The following FSTL4 variants were observed in gnomAD, a reference collection of about 807,000 sequenced individuals.
The protein encoded by FSTL4 is follistatin-related protein 4.
A neutral mutation model predicts 78.2 loss-of-function variants in FSTL4; 28 were observed. The ratio of observed to expected loss-of-function variants is 0.36; its 90% CI spans 0.27 to 0.49. The LOEUF (loss-of-function observed/expected upper bound fraction) is 0.49. Among genes scored for constraint, FSTL4 ranks in the 20% least tolerant of loss-of-function variants. The pLI, the probability that FSTL4 is intolerant of heterozygous loss-of-function variation, is 0.98. For missense variants in FSTL4, 922 were observed against 1,084.9 expected (o/e 0.85, Z 2.11); for synonymous variants, 422 against 440.5 (o/e 0.96, Z 0.53).
chr5:133,202,275 C>T (rs149457548), intron 14 of FSTL4, among the ~76,000 whole-genome samples: 3 of 152,250 alleles, frequency 2.0e-5, no homozygotes, highest in East Asian at 1.9e-4. Flanking sequence ...ACTGATTGCC[C>T]GAATTGCTTC....
At chr5:133,807,755 C>T in the FSTL4 span, among the ~76,000 whole-genome samples, 5 of 152,316 alleles carry the variant, frequency 3.3e-5, no homozygotes, top group African/African-American at 7.2e-5. Context: ...GTCCTCTCAC[C>T]GCAAAATCCA....
intron 2 of FSTL4, among the ~76,000 whole-genome samples, chr5:133,577,453 AAAG>A (rs1333712161): frequency 3.3e-5 from 5 of 152,138 alleles, no homozygotes; most frequent in African/African-American, 1.2e-4. Flanking sequence ...TTACTGCCTT[AAAG>A]AACAGTCAAA....
At position 133,225,771 on chromosome 5, in the gene FSTL4, C is replaced by G. The variant is rs752621036; in HGVS notation, c.1064G>C (p.Gly355Ala). 1 of 1,610,092 alleles carries G rather than the reference C, an allele frequency of 6.2e-7. No individual in the cohort carries two copies. Among genetic ancestry groups the G allele is most frequent in the South Asian group, 1.1e-5 (1 of 90,342 alleles). ...ATGGCATCTTAGGCTGGCTGCCACT[C>G]CAGGCTCCTGTGCCTGGCTCTCTGG... is the stretch of plus-strand genomic sequence containing the variant. ...VYPESQAQEPGVAASLRCHAE... is the reference protein window; with the variant it reads ...VYPESQAQEPAVAASLRCHAE... Residue 355 changes from glycine to alanine, a missense_variant, in exon 9 of 16, where the codon GGA (glycine) becomes GCA (alanine). Transcript: ENST00000265342. The surrounding 1 kb of genome is among the most constrained non-coding windows in gnomAD (Gnocchi z 4.6).
Position 133,225,375 on chromosome 5 carries a change from A to C in FSTL4, c.1178-91T>G, listed in dbSNP as rs1581544397. The C allele has an allele frequency of 2.0e-6, 3 of 1,505,566 alleles. No homozygotes were observed. The highest frequency in any genetic ancestry group is 2.7e-6 in the Non-Finnish European group (3 of 1,093,090). 93.3% of individuals were successfully genotyped at this position (1,505,566 alleles called of 1,614,324 possible). On this transcript the variant is annotated intron_variant, in intron 9 of 15. Transcript: ENST00000265342. The surrounding 1 kb of genome is among the most constrained non-coding windows in gnomAD (Gnocchi z 4.6). ...GCCATTGAGAGTGTTAGGGCTGCCC[A>C]GCCCCTGGGCAGCCAGCAGCCCTGA...
rs1327381416 is a variant in FSTL4, at chr5:133,612,494, C to G, written c.-180G>C. 6.6e-6 allele frequency: 1 copy of G among 152,030 alleles called. No homozygotes were observed. Among genetic ancestry groups the G allele is most frequent in the Non-Finnish European group, 1.5e-5 (1 of 68,024 alleles). 9.4% of individuals were successfully genotyped at this position (152,030 alleles called of 1,614,324 possible). A position where few individuals can be genotyped will look rare whatever the true frequency, so the allele number is the denominator to read the frequency against. On this transcript the variant is annotated 5_prime_UTR_variant, in exon 1 of 16. Coordinates refer to ENST00000265342, the MANE Select transcript of FSTL4 (RefSeq NM_015082.2). The surrounding 1 kb of genome is among the most constrained non-coding windows in gnomAD (Gnocchi z 6.2). ...CTGTTGAGGCTCCAGCTCCCTGAGCCGCCGCTGCCCGCTGCTGTGCCACCG... is the reference window on the plus strand; with the variant it reads ...CTGTTGAGGCTCCAGCTCCCTGAGCGGCCGCTGCCCGCTGCTGTGCCACCG...
At chr5:133,679,277 A>G in the FSTL4 span, among the ~76,000 whole-genome samples, 1 of 152,306 alleles carries the variant, frequency 6.6e-6, no homozygotes, top group Admixed American at 6.5e-5. Flanking sequence ...GCAGATGTTC[A>G]GCATAAACCA....
chr5:133,708,875 C>T, the FSTL4 span, among the ~76,000 whole-genome samples: 6 of 152,210 alleles, frequency 3.9e-5, no homozygotes, highest in East Asian at 1.9e-4. Context: ...ATAGGAGAGC[C>T]GGTGAAGTCT....
At chr5:133,316,756 G>T in intron 4 of FSTL4, 104 bp from the exon 5 acceptor site, 1 of 907,280 alleles carries the variant, frequency 1.1e-6, no homozygotes, top group Non-Finnish European at 1.7e-6. Context: ...GCCACCAGGC[G>T]TTCACTATGT....
chr5:133,429,385 T>G (rs1039450258), intron 3 of FSTL4, among the ~76,000 whole-genome samples: 6 of 152,064 alleles, frequency 3.9e-5, no homozygotes, highest in African/African-American at 1.4e-4. Flanking sequence ...TAATACAACC[T>G]ATTTCTATTT....
At chr5:133,223,062 G>T (rs736324) in intron 11 of FSTL4, among the ~76,000 whole-genome samples, 132,638 of 152,256 alleles carry the variant, frequency 0.87, 57,938 homozygotes, top group African/African-American at 0.95. Context: ...TCTTGCATTC[G>T]TGGTAGGTCT....
intron 3 of FSTL4, among the ~76,000 whole-genome samples, chr5:133,551,564 C>T (rs919856424): frequency 5.3e-5 from 8 of 152,220 alleles, no homozygotes; most frequent in African/African-American, 1.9e-4. Context: ...CATGCTCATG[C>T]TCCGCTGAGA....
chr5:133,232,338 C>T (rs763132266), intron 8 of FSTL4, among the ~76,000 whole-genome samples: 1 of 152,168 alleles, frequency 6.6e-6, no homozygotes, highest in South Asian at 2.1e-4. Context: ...AATCTTGACC[C>T]CACTGCTGGC....
chr5:133,701,678 G>A, the FSTL4 span, among the ~76,000 whole-genome samples: 108 of 152,270 alleles, frequency 7.1e-4, no homozygotes, highest in African/African-American at 2.5e-3. Flanking sequence ...TTCATTTTCA[G>A]ATCAAAGTAG....
chr5:133,313,517 C>G (rs1213744074), intron 5 of FSTL4, among the ~76,000 whole-genome samples: 1 of 152,260 alleles, frequency 6.6e-6, no homozygotes, highest in East Asian at 1.9e-4. Flanking sequence ...TCTAGGCACC[C>G]TCACTCAGCT....
At chr5:133,227,610 C>G (rs1216320140) in intron 8 of FSTL4, among the ~76,000 whole-genome samples, 1 of 151,982 alleles carries the variant, frequency 6.6e-6, no homozygotes, top group Admixed American at 6.6e-5. Context: ...ATGGCCAGGA[C>G]CTGGGGTTAA....
At chr5:133,273,886 C>T (rs1263239246) in intron 6 of FSTL4, among the ~76,000 whole-genome samples, 1 of 152,148 alleles carries the variant, frequency 6.6e-6, no homozygotes, top group African/African-American at 2.4e-5. Context: ...GGTGCTGACA[C>T]ACAGCGGAGT....
intron 3 of FSTL4, among the ~76,000 whole-genome samples, chr5:133,502,161 A>G (rs1441112840): frequency 5.9e-5 from 9 of 152,170 alleles, no homozygotes; most frequent in African/African-American, 2.2e-4. Flanking sequence ...TAAGCCACCC[A>G]TTTTGTGGTA....
chr5:133,319,121 C>T (rs1056346998), intron 4 of FSTL4, among the ~76,000 whole-genome samples: 2 of 152,218 alleles, frequency 1.3e-5, no homozygotes, highest in South Asian at 2.1e-4. Flanking sequence ...TCCCCAGGCT[C>T]GGCCCCACCT....
chr5:133,631,338 G>A, the FSTL4 span, among the ~76,000 whole-genome samples: 1 of 151,368 alleles, frequency 6.6e-6, no homozygotes, highest in Non-Finnish European at 1.5e-5. Flanking sequence ...AGTGGGCGAA[G>A]GATATGAATG....
Sources: allele counts gnomAD v4.1 joint callset (sites outside exome capture counted in the v4.1 genomes callset), GRCh38; gene constraint gnomAD v4.1.1; non-coding constraint Gnocchi (gnomAD v3.1); transcripts MANE v1.5; gene names NCBI Gene and HGNC (gene_info 2026-07-23, HGNC 2026-07-21).